IFNLR1: variants seen among roughly 807,000 people sequenced by gnomAD.
IFNLR1 encodes the protein CRF2-12.
IFNLR1 carries 28 observed loss-of-function variants against 52.5 expected under a neutral mutation model. The ratio of observed to expected loss-of-function variants is 0.53; its 90% CI spans 0.40 to 0.73. The LOEUF (loss-of-function observed/expected upper bound fraction) is 0.73. Among genes scored for constraint, IFNLR1 ranks in the 30% least tolerant of loss-of-function variants. The pLI is 0.00. For missense variants in IFNLR1, 623 were observed against 659.1 expected (o/e 0.95, Z 0.60); for synonymous variants, 276 against 274.9 (o/e 1.00, Z -0.04).
At position 24,155,494 on chromosome 1, in the gene IFNLR1, C is replaced by G. The variant is rs1258899554; in HGVS notation, c.*1636G>C. ...AGTAGTGGATCCCTCTAAACAAAAC[C>G]TCACGTGGAAAGCCACAGTGTGTGA... On this transcript the variant is annotated 3_prime_UTR_variant, in exon 7 of 7. Coordinates refer to ENST00000327535, the MANE Select transcript of IFNLR1 (RefSeq NM_170743.4). 6.6e-6 allele frequency: 1 copy of G among 152,178 alleles called. No individual in the cohort carries two copies. The highest frequency in any genetic ancestry group is 2.4e-5 in the African/African-American group (1 of 41,438). The allele number at this position is 152,178 out of a possible 1,614,324, so 9.4% of individuals were successfully genotyped here.
intron 3 of IFNLR1, among the ~76,000 whole-genome samples, chr1:24,169,211 C>T (rs779692367): frequency 2.0e-5 from 3 of 152,176 alleles, no homozygotes; most frequent in Non-Finnish European, 2.9e-5. Flanking sequence ...GGCTGGAGCT[C>T]CCCTAACTCC....
chr1:24,169,478 C>T lies in IFNLR1; in HGVS notation c.306G>A (p.Thr102=), dbSNP rs78627520. The part of the protein sequence containing the change: ...LYNKFKGRVR[T]VSPSSKSPWV... Reference sequence around the variant, plus strand: ...AGGGGGACTTGGAGCTGGGAGAAACCGTCCGCACGCGTCCCTTGAACTTGT... The same window carrying T: ...AGGGGGACTTGGAGCTGGGAGAAACTGTCCGCACGCGTCCCTTGAACTTGT... Residue 102 remains threonine, a synonymous_variant, in exon 3 of 7, where the codon ACG becomes ACA. Transcript: ENST00000327535. 81 of 1,614,056 alleles carry T rather than the reference C, an allele frequency of 5.0e-5. 1 individual carries two copies. The highest frequency in any genetic ancestry group is 3.5e-4 in the South Asian group (32 of 91,090).
rs1166828354 is a variant in IFNLR1 at position 24,154,211 on chromosome 1, T to G, written c.*2919A>C. Reference sequence around the variant, plus strand: ...AGCTCTTTATTTAAACAGTTTAGGGTAATACCAACAAGCAGTAGGATATCG... The same window carrying G: ...AGCTCTTTATTTAAACAGTTTAGGGGAATACCAACAAGCAGTAGGATATCG... On this transcript the variant is annotated 3_prime_UTR_variant, in exon 7 of 7. Coordinates refer to ENST00000327535, the MANE Select transcript of IFNLR1 (RefSeq NM_170743.4). The G allele has an allele frequency of 6.6e-6, 1 of 151,908 alleles. No individual in the cohort carries two copies. The highest frequency in any genetic ancestry group is 1.9e-4 in the East Asian group (1 of 5,196). 9.4% of individuals were successfully genotyped at this position (151,908 alleles called of 1,614,324 possible).
chr1:24,169,478 C>G lies in IFNLR1; in HGVS notation c.306G>C (p.Thr102=). ...AGGGGGACTTGGAGCTGGGAGAAACCGTCCGCACGCGTCCCTTGAACTTGT... is the reference window on the plus strand; with the variant it reads ...AGGGGGACTTGGAGCTGGGAGAAACGGTCCGCACGCGTCCCTTGAACTTGT... ...LYNKFKGRVR[T]VSPSSKSPWV... is the part of the protein sequence containing the mutation. The change falls in exon 3 of 7, where the codon ACG becomes ACC. Residue 102 remains threonine (T), a synonymous_variant. Transcript: ENST00000327535. 7 of 1,614,170 alleles carry G rather than the reference C, an allele frequency of 4.3e-6. No individual in the cohort carries two copies. The highest frequency in any genetic ancestry group is 5.9e-6 in the Non-Finnish European group (7 of 1,180,038).
intron 1 of IFNLR1, among the ~76,000 whole-genome samples, chr1:24,184,840 G>A (rs998803512): frequency 2.6e-5 from 4 of 152,230 alleles, no homozygotes; most frequent in African/African-American, 4.8e-5. Flanking sequence ...CCAACATGGT[G>A]AAACCACGTC....
At chr1:24,177,429 A>T (rs1644644145) in intron 2 of IFNLR1, among the ~76,000 whole-genome samples, 1 of 152,210 alleles carries the variant, frequency 6.6e-6, no homozygotes, top group Non-Finnish European at 1.5e-5. Context: ...CAAGAGTCTA[A>T]AGGCCAAAAA....
At chr1:24,174,535 T>C (rs972312011) in intron 2 of IFNLR1, among the ~76,000 whole-genome samples, 1 of 152,164 alleles carries the variant, frequency 6.6e-6, no homozygotes, top group Non-Finnish European at 1.5e-5. Context: ...GAGGAATGTG[T>C]TATTGGAAAC....
At chr1:24,162,642 A>T (rs1458992623) in intron 3 of IFNLR1, among the ~76,000 whole-genome samples, 2 of 152,184 alleles carry the variant, frequency 1.3e-5, no homozygotes, top group Non-Finnish European at 2.9e-5. Context: ...CCATGGTGGC[A>T]GGTGGAAGGG....
Position 24,159,482 on chromosome 1 carries a change from T to A in IFNLR1, c.662A>T (p.Glu221Val). The A allele has an allele frequency of 6.2e-7, 1 of 1,614,148 alleles. No homozygotes were observed. Among genetic ancestry groups the A allele is most frequent in the Non-Finnish European group, 8.5e-7 (1 of 1,179,988 alleles). ...CACCACTTGATACCCACCTGGGACCTCCAGCAAGAAGCAGGTGGGCTTAGA... is the reference window on the plus strand; with the variant it reads ...CACCACTTGATACCCACCTGGGACCACCAGCAAGAAGCAGGTGGGCTTAGA... The part of the protein sequence containing the change: ...KFSKPTCFLL[E>V]VPEANWAFLV... The change falls in exon 5 of 7, where the codon GAG becomes GTG. Residue 221 changes from glutamate (E) to valine (V), a missense_variant. Glu to Val is a moderately radical substitution (Grantham distance 121). Transcript: ENST00000327535.
chr1:24,180,667 G>GCCCCAACACCCC, intron 2 of IFNLR1, 64 bp downstream of exon 2: 1 of 1,325,308 alleles, frequency 7.5e-7, no homozygotes. Context: ...TCCCAGAGAA[G>GCCCCAACACCCC]CCCCTCCAGC....
At position 24,182,538 on chromosome 1, in the gene IFNLR1, T is replaced by C. The variant is rs761163975; in HGVS notation, c.59-1684A>G. 3.8e-4 allele frequency among the ~76,000 whole-genome samples: 58 copies of C among 152,250 alleles called. 1 individual carries two copies. The highest frequency in any genetic ancestry group is 4.6e-4 in the Admixed American group (7 of 15,292). On this transcript the variant is annotated intron_variant, in intron 1 of 6. Coordinates refer to ENST00000327535, the MANE Select transcript of IFNLR1 (RefSeq NM_170743.4). ...AATTCCCCTGATGTAATTAATGGAC[T>C]ATGTGCATATTTATACCTAGGTGTG...
chr1:24,167,062 A>C (rs1471008102), intron 3 of IFNLR1, among the ~76,000 whole-genome samples: 6 of 152,222 alleles, frequency 3.9e-5, no homozygotes, highest in African/African-American at 1.4e-4. Context: ...TGACGGCCCA[A>C]AGAGAACAAA....
intron 1 of IFNLR1, among the ~76,000 whole-genome samples, chr1:24,181,925 G>A (rs1644694766): frequency 6.6e-6 from 1 of 152,182 alleles, no homozygotes; most frequent in Non-Finnish European, 1.5e-5. Context: ...TGGGCCGGGC[G>A]CAGTGGCTCA....
Position 24,156,336 on chromosome 1 carries a change from G to A in IFNLR1, c.*794C>T, listed in dbSNP as rs1366364455. ...GGGTCTCCTGGAGCCTGGATAGATG[G>A]AGAATTCTACCGGCCACCACGTAGA... is the stretch of plus-strand genomic sequence containing the variant. On this transcript the variant is annotated 3_prime_UTR_variant, in exon 7 of 7. Transcript: ENST00000327535. 3.3e-5 allele frequency: 5 copies of A among 152,374 alleles called. No homozygotes were observed. Among genetic ancestry groups the A allele is most frequent in the Non-Finnish European group, 7.3e-5 (5 of 68,228 alleles). The allele number at this position is 152,374 out of a possible 1,614,324, so 9.4% of individuals were successfully genotyped here.
Position 24,155,097 on chromosome 1 carries a change from AG to A in IFNLR1, c.*2032del, listed in dbSNP as rs1412292826. On this transcript the variant is annotated 3_prime_UTR_variant, in exon 7 of 7. Transcript: ENST00000327535. The stretch of plus-strand genomic sequence containing the variant: ...TCCCTGGGAGCTGGCCCCAAGCCAC[AG>A]CCCTCCCCAGCTCCGTAGTTTGTTT... 6.6e-6 allele frequency: 1 copy of A among 152,226 alleles called. No individual in the cohort carries two copies. The highest frequency in any genetic ancestry group is 2.4e-5 in the African/African-American group (1 of 41,452). 9.4% of individuals were successfully genotyped at this position (152,226 alleles called of 1,614,324 possible).
Position 24,169,500 on chromosome 1 carries a change from T to A in IFNLR1, c.284A>T (p.Lys95Met). ...AACCGTCCGCACGCGTCCCTTGAAC[T>A]TGTTGTACAGGTCCTGTTTCTTCAG... ...MCLKKQDLYN[K>M]FKGRVRTVSP... Residue 95 changes from lysine (K) to methionine (M), a missense_variant, in exon 3 of 7, where the codon AAG (lysine) becomes ATG (methionine). Lys to Met is a moderately conservative substitution (Grantham distance 95). Transcript: ENST00000327535. 1 of 1,614,230 alleles carries A rather than the reference T, an allele frequency of 6.2e-7. No individual in the cohort carries two copies. The highest frequency in any genetic ancestry group is 8.5e-7 in the Non-Finnish European group (1 of 1,180,046).
chr1:24,177,761 C>T (rs554713787), intron 2 of IFNLR1, among the ~76,000 whole-genome samples: 36 of 152,144 alleles, frequency 2.4e-4, no homozygotes, highest in Admixed American at 9.2e-4. Context: ...ACCCTTTGGG[C>T]GAAAAGAGCA....
Position 24,175,533 on chromosome 1 carries a change from A to T in IFNLR1, c.182+5198T>A, listed in dbSNP as rs887947915. Among the ~76,000 whole-genome samples the T allele has an allele frequency of 3.3e-5, 5 of 152,214 alleles. No homozygotes were observed. In the South Asian group the frequency reaches 8.3e-4, roughly 25 times the overall value. On this transcript the variant is annotated intron_variant, in intron 2 of 6. Transcript: ENST00000327535. ...ATAACCTGTCTGGTTTCACAGGTTCATAAGTGGAGAGGAATTTGGCCTCAG... is the reference window on the plus strand; with the variant it reads ...ATAACCTGTCTGGTTTCACAGGTTCTTAAGTGGAGAGGAATTTGGCCTCAG...
rs200119206 is a variant in IFNLR1, at chr1:24,159,201, C to T, written c.671-19G>A. On this transcript the variant is annotated intron_variant, in intron 5 of 6. Transcript: ENST00000327535. ...TTGGCTTCTAAGGAAGGAAAAATAA[C>T]AATGAGAGAAACAACAATGGCTCTT... 4.1e-4 allele frequency: 668 copies of T among 1,613,640 alleles called. 8 individuals are homozygous for T. The South Asian group carries it at 6.2e-3, about 15-fold the overall frequency.
Sources: allele counts gnomAD v4.1 joint callset (sites outside exome capture counted in the v4.1 genomes callset), GRCh38; gene constraint gnomAD v4.1.1; transcripts MANE v1.5; gene names NCBI Gene and HGNC (gene_info 2026-07-23, HGNC 2026-07-21).